PGPEP1: variants seen among roughly 807,000 people sequenced by gnomAD.
PGPEP1 encodes the protein pyroglutamyl-peptidase 1.
Under a neutral mutation model 24.1 loss-of-function variants are expected in PGPEP1, and 15 were observed. The observed-to-expected ratio is 0.62, with a 90% CI of 0.42 to 0.96. PGPEP1 has a LOEUF of 0.96. Among genes scored for constraint, PGPEP1 ranks in the 40% least tolerant of loss-of-function variants. PGPEP1 has a pLI of 0.00. For synonymous variants in PGPEP1, 122 were observed against 116.4 expected (o/e 1.05, Z -0.31); for missense variants, 242 against 273.4 (o/e 0.89, Z 0.81).
chr19:18,346,585 C>G (rs1314735764), intron 2 of PGPEP1, among the ~76,000 whole-genome samples: 1 of 150,714 alleles, frequency 6.6e-6, no homozygotes, highest in Non-Finnish European at 1.5e-5. Context: ...TCTTCTGTCT[C>G]TCTCTCTGTC....
At position 18,368,978 on chromosome 19, in the gene PGPEP1, C is replaced by T. The variant is rs948458043; in HGVS notation, c.*5395C>T. Reference sequence around the variant, plus strand: ...GTTTTTATAATCCGGATTAAATTTCCCTTCCCTGGGCACAAGTGCCTCATG... The same window carrying T: ...GTTTTTATAATCCGGATTAAATTTCTCTTCCCTGGGCACAAGTGCCTCATG... On this transcript the variant is annotated 3_prime_UTR_variant, in exon 5 of 5. Transcript: ENST00000269919. 1 of 152,208 alleles carries T rather than the reference C, an allele frequency of 6.6e-6. No individual in the cohort carries two copies. Among genetic ancestry groups the T allele is most frequent in the African/African-American group, 2.4e-5 (1 of 41,432 alleles). The allele number at this position is 152,208 out of a possible 1,614,324, so 9.4% of individuals were successfully genotyped here. A position where few individuals can be genotyped will look rare whatever the true frequency, so the allele number is the denominator to read the frequency against.
chr19:18,361,366 T>G (rs1039454409), intron 4 of PGPEP1, among the ~76,000 whole-genome samples: 15 of 152,162 alleles, frequency 9.9e-5, no homozygotes, highest in African/African-American at 3.4e-4. Flanking sequence ...CTTGAACTCC[T>G]GACCTCAGGT....
At chr19:18,345,312 C>G (rs1470400121) in intron 2 of PGPEP1, among the ~76,000 whole-genome samples, 1 of 152,058 alleles carries the variant, frequency 6.6e-6, no homozygotes, top group Non-Finnish European at 1.5e-5. Context: ...CCACTTTTCA[C>G]TTTCTTCCCA....
chr19:18,346,367 G>A (rs891068166), intron 2 of PGPEP1, among the ~76,000 whole-genome samples: 1 of 152,112 alleles, frequency 6.6e-6, no homozygotes, highest in Non-Finnish European at 1.5e-5. Context: ...GTTGCCAGGC[G>A]TCACCTCCAC....
At chr19:18,355,839 A>G (rs1030144452) in intron 2 of PGPEP1, 56 bp from the exon 3 acceptor site, 10 of 1,091,454 alleles carry the variant, frequency 9.2e-6, no homozygotes, top group African/African-American at 1.5e-5. Flanking sequence ...CAGAGAGCGC[A>G]TTATCCCCAT....
chr19:18,342,198 C>T (rs1013243207), intron 1 of PGPEP1, among the ~76,000 whole-genome samples: 6 of 152,274 alleles, frequency 3.9e-5, no homozygotes, highest in Middle Eastern at 3.4e-3. Flanking sequence ...CATGAGCCAC[C>T]GCACCCAGCC....
intron 4 of PGPEP1, among the ~76,000 whole-genome samples, chr19:18,363,022 G>GT (rs1181177169): frequency 1.1e-4 from 9 of 80,516 alleles, no homozygotes; most frequent in African/African-American, 2.3e-4. Flanking sequence ...GAGTTATCAA[G>GT]TTTTTTTTGT....
intron 2 of PGPEP1, among the ~76,000 whole-genome samples, chr19:18,345,203 T>A (rs1480791623): frequency 6.6e-6 from 1 of 152,022 alleles, no homozygotes; most frequent in Non-Finnish European, 1.5e-5. Flanking sequence ...GGTTTTGCCA[T>A]GTTGACCAGG....
At chr19:18,354,957 G>A (rs916247757) in intron 2 of PGPEP1, among the ~76,000 whole-genome samples, 15 of 143,688 alleles carry the variant, frequency 1.0e-4, no homozygotes, top group Non-Finnish European at 2.1e-4. Context: ...GAGGTAAGTC[G>A]ATACTTTTTT....
In PGPEP1 at chr19:18,364,100, C is replaced by CTTTCTTTCTTTCTTT. The variant is rs1568321020; in HGVS notation, c.*531_*532insTTTTCTTTCTTTCTT. The CTTTCTTTCTTTCTTT allele has an allele frequency of 1.1e-4, 16 of 142,414 alleles. No homozygotes were observed. The highest frequency in any genetic ancestry group is 8.9e-4 in the South Asian group (4 of 4,470). 8.8% of individuals were successfully genotyped at this position (142,414 alleles called of 1,614,324 possible). ...GCTGGCTGGCTTTCTTTCTTTCTTTCTTTCTTTCTTTCTTGCTTTCTTTCT... is the reference window on the plus strand; with the variant it reads ...GCTGGCTGGCTTTCTTTCTTTCTTTCTTTCTTTCTTTCTTTTTTCTTTCTTTCTTGCTTTCTTTCT... On this transcript the variant is annotated 3_prime_UTR_variant, in exon 5 of 5. Transcript: ENST00000269919.
At chr19:18,346,100 C>G (rs961909410) in intron 2 of PGPEP1, among the ~76,000 whole-genome samples, 12 of 152,252 alleles carry the variant, frequency 7.9e-5, no homozygotes, top group Non-Finnish European at 1.2e-4. Flanking sequence ...AGCCTCTCCC[C>G]CAAGTACTCC....
chr19:18,359,608 A>G (rs555041179), intron 4 of PGPEP1, among the ~76,000 whole-genome samples: 14 of 151,836 alleles, frequency 9.2e-5, no homozygotes, highest in Admixed American at 8.5e-4. Context: ...CTGACGTTCA[A>G]GTGATTCTCC....
At position 18,365,534 on chromosome 19, in the gene PGPEP1, G is replaced by A. The variant is rs558294846; in HGVS notation, c.*1951G>A. 11 of 152,248 alleles carry A rather than the reference G, an allele frequency of 7.2e-5. No homozygotes were observed. The highest frequency in any genetic ancestry group is 2.7e-4 in the African/African-American group (11 of 41,500). 9.4% of individuals were successfully genotyped at this position (152,248 alleles called of 1,614,324 possible). On this transcript the variant is annotated 3_prime_UTR_variant, in exon 5 of 5. Coordinates refer to ENST00000269919, the MANE Select transcript of PGPEP1 (RefSeq NM_017712.4). Reference sequence around the variant, plus strand: ...ATTTTTAAATTTTTTATACAGACAGGGTTTCACCATGTTGCCCAGGCTGGT... The same window carrying A: ...ATTTTTAAATTTTTTATACAGACAGAGTTTCACCATGTTGCCCAGGCTGGT...
In PGPEP1 at chr19:18,364,088, C is replaced by CTTTCTTTCTTTCTTTCCTTCTTT. The variant is rs1971439871; in HGVS notation, c.*521_*522insCTTCTTTTTTCTTTCTTTCTTTC. ...GGGATATGGCTGGCTGGCTGGCTTT[C>CTTTCTTTCTTTCTTTCCTTCTTT]TTTCTTTCTTTCTTTCTTTCTTTCT... On this transcript the variant is annotated 3_prime_UTR_variant, in exon 5 of 5. Coordinates refer to ENST00000269919, the MANE Select transcript of PGPEP1 (RefSeq NM_017712.4). 1 of 127,618 alleles carries CTTTCTTTCTTTCTTTCCTTCTTT rather than the reference C, an allele frequency of 7.8e-6. No homozygotes were observed. Among genetic ancestry groups the CTTTCTTTCTTTCTTTCCTTCTTT allele is most frequent in the Non-Finnish European group, 1.7e-5 (1 of 60,426 alleles). The allele number at this position is 127,618 out of a possible 1,614,324, so 7.9% of individuals were successfully genotyped here. A position where few individuals can be genotyped will look rare whatever the true frequency, so the allele number is the denominator to read the frequency against.
intron 2 of PGPEP1, among the ~76,000 whole-genome samples, chr19:18,345,162 C>T (rs1353892032): frequency 2.0e-5 from 3 of 151,884 alleles, no homozygotes; most frequent in South Asian, 2.1e-4. Flanking sequence ...CCACCAGGCC[C>T]GGCTAATTTT....
Position 18,364,141 on chromosome 19 carries a change from T to TTC in PGPEP1, c.*570_*571dup, listed in dbSNP as rs1301891142. The TTC allele has an allele frequency of 8.5e-6, 1 of 118,258 alleles. No individual in the cohort carries two copies. Among genetic ancestry groups the TTC allele is most frequent in the African/African-American group, 4.1e-5 (1 of 24,544 alleles). 7.3% of individuals were successfully genotyped at this position (118,258 alleles called of 1,614,324 possible). A position where few individuals can be genotyped will look rare whatever the true frequency, so the allele number is the denominator to read the frequency against. The stretch of plus-strand genomic sequence containing the variant: ...CTTTCTTTCTTTCTTGCTTTCTTTC[T>TTC]TCTCTCTCTCTCTTTTTTTTTTTTT... On this transcript the variant is annotated 3_prime_UTR_variant, in exon 5 of 5. Transcript: ENST00000269919.
At chr19:18,349,818 T>C (rs1433341694) in intron 2 of PGPEP1, among the ~76,000 whole-genome samples, 1 of 152,190 alleles carries the variant, frequency 6.6e-6, no homozygotes, top group African/African-American at 2.4e-5. Context: ...ATTTTGTTTT[T>C]AATTTTGATG....
chr19:18,342,885 G>A lies in PGPEP1; in HGVS notation c.61G>A (p.Val21Met), dbSNP rs752029590. Residue 21 changes from valine (V) to methionine (M), a missense_variant, in exon 2 of 5, where the codon GTG becomes ATG. Val to Met is a conservative substitution (Grantham distance 21, BLOSUM62 1). Coordinates refer to ENST00000269919, the MANE Select transcript of PGPEP1 (RefSeq NM_017712.4). ...TGFGPFGEHTVNASWIAVQEL... is the reference protein window; with the variant it reads ...TGFGPFGEHTMNASWIAVQEL... ...ATTTGGCCCTTTTGGGGAACACACC[G>A]TGAACGCCAGTTGGATTGCAGTTCA... 13 of 1,613,778 alleles carry A rather than the reference G, an allele frequency of 8.1e-6. No homozygotes were observed. The Admixed American group carries it at 1.0e-4, about 12-fold the overall frequency.
rs935681812 is a variant in PGPEP1, at chr19:18,365,276, A to G, written c.*1693A>G. On this transcript the variant is annotated 3_prime_UTR_variant, in exon 5 of 5. Coordinates refer to ENST00000269919, the MANE Select transcript of PGPEP1 (RefSeq NM_017712.4). ...TATTTTGGCCTGGAGGAATGTGGCTATACTGCTTCCCTGAGTGTGACACAG... is the reference window on the plus strand; with the variant it reads ...TATTTTGGCCTGGAGGAATGTGGCTGTACTGCTTCCCTGAGTGTGACACAG... 2 of 152,166 alleles carry G rather than the reference A, an allele frequency of 1.3e-5. No homozygotes were observed. Among genetic ancestry groups the G allele is most frequent in the African/African-American group, 4.8e-5 (2 of 41,440 alleles). 9.4% of individuals were successfully genotyped at this position (152,166 alleles called of 1,614,324 possible).
Sources: allele counts gnomAD v4.1 joint callset (sites outside exome capture counted in the v4.1 genomes callset), GRCh38; gene constraint gnomAD v4.1.1; transcripts MANE v1.5; gene names NCBI Gene and HGNC (gene_info 2026-07-23, HGNC 2026-07-21).